Variants in MED26 observed in about 807,000 individuals in gnomAD.
MED26 encodes the protein mediator of RNA polymerase II transcription subunit 26.
Under a neutral mutation model 43.7 loss-of-function variants are expected in MED26, and 7 were observed. The observed-to-expected ratio is 0.16, with a 90% confidence interval of 0.09 to 0.30. The LOEUF (loss-of-function observed/expected upper bound fraction) is 0.30. Among genes scored for constraint, MED26 ranks in the 10% least tolerant of loss-of-function variants. The pLI, the probability that MED26 is intolerant of heterozygous loss-of-function variation, is 1.00. For missense variants in MED26, 784 were observed against 840.6 expected, an observed-to-expected ratio of 0.93 and a Z score of 0.83; for synonymous variants, 375 against 371.1, an observed-to-expected ratio of 1.01 and a Z score of -0.12.
intron 1 of MED26, among the ~76,000 whole-genome samples, chr19:16,620,523 C>T (rs1033281728): frequency 2.6e-5 from 4 of 152,254 alleles, no homozygotes; most frequent in African/African-American, 7.2e-5. Flanking sequence ...TGGGCACCCA[C>T]GTGCTGTGGC....
intron 1 of MED26, among the ~76,000 whole-genome samples, chr19:16,590,416 C>T (rs1413815334): frequency 6.6e-6 from 1 of 152,220 alleles, no homozygotes; most frequent in Non-Finnish European, 1.5e-5. Context: ...GGCAAATCTG[C>T]ACATCTATAC....
intron 1 of MED26, among the ~76,000 whole-genome samples, chr19:16,619,276 C>T (rs1368682397): frequency 1.3e-5 from 2 of 152,256 alleles, no homozygotes; most frequent in African/African-American, 4.8e-5. Flanking sequence ...CTTGCCTAGG[C>T]ACCATGCAAG....
chr19:16,615,862 C>G (rs1483876512), intron 1 of MED26, among the ~76,000 whole-genome samples: 1 of 152,182 alleles, frequency 6.6e-6, no homozygotes, highest in African/African-American at 2.4e-5. Context: ...CAGGCTGCCT[C>G]CAGGCAGCAA....
intron 1 of MED26, among the ~76,000 whole-genome samples, chr19:16,590,429 C>T (rs78696678): frequency 0.13 from 19,400 of 152,218 alleles, 1,313 homozygotes; most frequent in South Asian, 0.15. Context: ...ATCTATACAG[C>T]GGAAAAGGAC....
intron 1 of MED26, chr19:16,612,008 A>T (rs1197990682): frequency 6.6e-6 from 1 of 152,140 alleles, no homozygotes; most frequent in Non-Finnish European, 1.5e-5. Context: ...GGACATGAGC[A>T]TGTCTATGCC....
In MED26 at chr19:16,576,002, A is replaced by G. The variant is rs1157111134; in HGVS notation, c.*25T>C. On this transcript the variant is annotated 3_prime_UTR_variant, in exon 3 of 3. Transcript: ENST00000263390. This position sits in a 1 kb window ranked among gnomAD's most constrained non-coding sequence, Gnocchi z 6.8. ...CCCACCCGGCTTCTGCAAGATGGGAATGCACTTTGTGGCTGACAGGCCGGT... is the reference window on the plus strand; with the variant it reads ...CCCACCCGGCTTCTGCAAGATGGGAGTGCACTTTGTGGCTGACAGGCCGGT... The G allele has an allele frequency of 1.6e-5, 26 of 1,592,406 alleles. No individual in the cohort carries two copies. Among genetic ancestry groups the G allele is most frequent in the East Asian group, 2.2e-5 (1 of 44,472 alleles).
chr19:16,605,786 C>T (rs779029757), intron 1 of MED26, among the ~76,000 whole-genome samples: 1 of 152,084 alleles, frequency 6.6e-6, no homozygotes, highest in African/African-American at 2.4e-5. Context: ...TCCATGGCAC[C>T]GGGAGGAAGA....
chr19:16,578,186 C>G lies in MED26; in HGVS notation c.147+149G>C, dbSNP rs559067021. The G allele has an allele frequency of 1.1e-5, 8 of 754,622 alleles. No homozygotes were observed. In the East Asian group the frequency reaches 2.1e-4, roughly 20 times the overall value. The allele number at this position is 754,622 out of a possible 1,614,324, so 46.7% of individuals were successfully genotyped here. A position where few individuals can be genotyped will look rare whatever the true frequency, so the allele number is the denominator to read the frequency against. ...TGCAGTGCCCGTGGGAGAGCAAGAT[C>G]GCGAGGCACGAGCTGTGAGGGCACA... On this transcript the variant is annotated intron_variant, in intron 2 of 2. Transcript: ENST00000263390.
intron 1 of MED26, among the ~76,000 whole-genome samples, chr19:16,591,056 T>A (rs916135666): frequency 2.6e-5 from 2 of 76,842 alleles, no homozygotes; most frequent in East Asian, 3.1e-4. Flanking sequence ...ATAAAATAAA[T>A]AAATAAATAA....
At chr19:16,626,371 C>T (rs1599352203) in intron 1 of MED26, among the ~76,000 whole-genome samples, 1 of 152,158 alleles carries the variant, frequency 6.6e-6, no homozygotes, top group East Asian at 1.9e-4. Flanking sequence ...ATTGCAGTGA[C>T]ACCAGTTACT....
rs1006845185 is a variant in MED26 at position 16,628,055 on chromosome 19, C to A, written c.-112G>T. On this transcript the variant is annotated 5_prime_UTR_variant, in exon 1 of 3. Coordinates refer to ENST00000263390, the MANE Select transcript of MED26 (RefSeq NM_004831.5). ...GGGAGCCGGAGCCGCATGTTCCCCG[C>A]GGCGCCGGGGGGTTGGGGGCGCGCG... The A allele has an allele frequency of 6.7e-6, 4 of 593,094 alleles. No homozygotes were observed. The African/African-American group carries it at 7.8e-5, about 12-fold the overall frequency. The allele number at this position is 593,094 out of a possible 1,614,324, so 36.7% of individuals were successfully genotyped here.
intron 1 of MED26, among the ~76,000 whole-genome samples, chr19:16,581,702 C>T (rs756088834): frequency 2.6e-5 from 4 of 152,246 alleles, no homozygotes; most frequent in Non-Finnish European, 4.4e-5. Flanking sequence ...CAGCCAGTCC[C>T]AAGAGTCTCC....
intron 1 of MED26, among the ~76,000 whole-genome samples, chr19:16,612,829 T>G (rs1031946742): frequency 3.9e-5 from 6 of 152,218 alleles, no homozygotes; most frequent in Non-Finnish European, 8.8e-5. Flanking sequence ...AATTTCTTCC[T>G]GTTTTCCCCC....
intron 1 of MED26, among the ~76,000 whole-genome samples, chr19:16,603,734 C>T (rs1373023809): frequency 6.6e-5 from 10 of 152,190 alleles, no homozygotes; most frequent in African/African-American, 1.7e-4. Flanking sequence ...CACCCAACCT[C>T]GGCTGTTCAA....
chr19:16,617,006 T>C (rs1354706588), intron 1 of MED26, among the ~76,000 whole-genome samples: 1 of 152,034 alleles, frequency 6.6e-6, no homozygotes, highest in Non-Finnish European at 1.5e-5. Context: ...CCTAAACAGA[T>C]GATGCCACTT....
intron 1 of MED26, chr19:16,588,385 T>C (rs1205091976): frequency 6.6e-6 from 1 of 152,262 alleles, no homozygotes; most frequent in South Asian, 2.1e-4. Flanking sequence ...TTTTCAGGAA[T>C]CAACAGGGAA....
chr19:16,603,471 A>T (rs186912682), intron 1 of MED26, among the ~76,000 whole-genome samples: 1,947 of 151,714 alleles, frequency 0.013, 38 homozygotes, highest in African/African-American at 0.045. Context: ...GCTTTTTTTA[A>T]AAAAAAAATT....
intron 1 of MED26, among the ~76,000 whole-genome samples, chr19:16,626,102 T>C (rs1950852583): frequency 6.6e-6 from 1 of 152,092 alleles, no homozygotes; most frequent in Non-Finnish European, 1.5e-5. Context: ...CCCTATACAA[T>C]ACTGGAAACT....
rs138881684 is a variant in MED26, at chr19:16,576,891, C to T, written c.939G>A (p.Pro313=). The part of the protein sequence containing the change: ...RPQALDATQV[P]SPLPLAQPST... ...ACGGCTGTGCCAGTGGAAGCGGTGA[C>T]GGCACCTGTGTGGCATCGAGTGCCT... is the stretch of plus-strand genomic sequence containing the variant. The change falls in exon 3 of 3, where the codon CCG becomes CCA. Residue 313 remains proline, a synonymous_variant. Transcript: ENST00000263390. The surrounding 1 kb of genome is among the most constrained non-coding windows in gnomAD (Gnocchi z 6.8). 410 of 1,606,974 alleles carry T rather than the reference C, an allele frequency of 2.6e-4. No individual in the cohort carries two copies. The African/African-American group carries it at 4.6e-3, about 18-fold the overall frequency.
Sources: allele counts gnomAD v4.1 joint callset (sites outside exome capture counted in the v4.1 genomes callset), GRCh38; gene constraint gnomAD v4.1.1; non-coding constraint Gnocchi (gnomAD v3.1); transcripts MANE v1.5; gene names NCBI Gene and HGNC (gene_info 2026-07-23, HGNC 2026-07-21).